PSMA1: variants seen among roughly 807,000 people sequenced by gnomAD.
PSMA1 encodes proteasome subunit alpha type-1.
In PSMA1, 3 loss-of-function variants were observed where a neutral mutation model predicts 38.4. That is an observed-to-expected ratio of 0.08 (90% confidence interval 0.04 to 0.20). PSMA1 has a LOEUF of 0.20. PSMA1 is among the 10% of genes least tolerant of loss of function. PSMA1 has a pLI of 1.00. For synonymous variants in PSMA1, 101 were observed against 107.1 expected (o/e 0.94, Z 0.35); for missense variants, 227 against 325.3 (o/e 0.70, Z 2.32).
chr11:14,605,042 G>T (rs1478960708), intron 2 of PSMA1, among the ~76,000 whole-genome samples: 1 of 152,140 alleles, frequency 6.6e-6, no homozygotes, highest in Non-Finnish European at 1.5e-5. Context: ...TTTGGTAGAA[G>T]AATTTATTTT....
intron 2 of PSMA1, among the ~76,000 whole-genome samples, chr11:14,574,140 T>C (rs1257486005): frequency 6.6e-6 from 1 of 152,034 alleles, no homozygotes; most frequent in African/African-American, 2.4e-5. Flanking sequence ...AGGGAAGGAA[T>C]TAAAGGAGGC....
intron 2 of PSMA1, among the ~76,000 whole-genome samples, chr11:14,543,209 A>C (rs1035766379): frequency 6.6e-6 from 1 of 152,174 alleles, no homozygotes; most frequent in African/African-American, 2.4e-5. Context: ...AAATTAACTC[A>C]AAATGGAGCC....
intron 7 of PSMA1, among the ~76,000 whole-genome samples, chr11:14,511,699 A>G (rs559888019): frequency 6.6e-6 from 1 of 152,356 alleles, no homozygotes; most frequent in Admixed American, 6.5e-5. Flanking sequence ...AGGTAACATC[A>G]ATCTTAGCAG....
chr11:14,606,680 G>T (rs1452344333), intron 2 of PSMA1, among the ~76,000 whole-genome samples: 1 of 152,114 alleles, frequency 6.6e-6, no homozygotes, highest in Non-Finnish European at 1.5e-5. Context: ...AAGCAGAGAG[G>T]CTAAGGACTT....
chr11:14,518,772 T>C (rs1851477600), intron 2 of PSMA1, among the ~76,000 whole-genome samples: 2 of 152,224 alleles, frequency 1.3e-5, no homozygotes, highest in African/African-American at 2.4e-5. Context: ...ATTCCACATA[T>C]AAGTGAGAGC....
chr11:14,517,203 C>T (rs1851445097), intron 4 of PSMA1, among the ~76,000 whole-genome samples: 2 of 152,160 alleles, frequency 1.3e-5, no homozygotes, highest in African/African-American at 4.8e-5. Flanking sequence ...AAGACAAGAT[C>T]CATGTCTGAG....
intron 2 of PSMA1, among the ~76,000 whole-genome samples, chr11:14,553,018 T>C (rs1466203049): frequency 6.6e-6 from 1 of 151,966 alleles, no homozygotes; most frequent in Non-Finnish European, 1.5e-5. Flanking sequence ...AGAGATGAGT[T>C]CTTCCAATGT....
intron 2 of PSMA1, among the ~76,000 whole-genome samples, chr11:14,538,549 TAAG>T (rs1014073450): frequency 2.0e-5 from 3 of 152,258 alleles, no homozygotes; most frequent in Non-Finnish European, 4.4e-5. Context: ...CCAAGATTTT[TAAG>T]AAGAAGTGGG....
chr11:14,559,083 G>A (rs1464780702), intron 2 of PSMA1, among the ~76,000 whole-genome samples: 1 of 152,160 alleles, frequency 6.6e-6, no homozygotes, highest in Non-Finnish European at 1.5e-5. Context: ...ATAAGCATAG[G>A]TATAGCCTAC....
chr11:14,636,629 C>T (rs1474062658), intron 1 of PSMA1, among the ~76,000 whole-genome samples: 1 of 152,196 alleles, frequency 6.6e-6, no homozygotes. Flanking sequence ...ACTCATACAT[C>T]CAATGGCCAA....
chr11:14,535,465 C>T (rs1329530362), intron 2 of PSMA1, among the ~76,000 whole-genome samples: 4 of 138,734 alleles, frequency 2.9e-5, no homozygotes, highest in Non-Finnish European at 4.6e-5. Flanking sequence ...TTTTTTGAGA[C>T]GGAGTTTTGC....
chr11:14,507,548 A>G (rs1225512714), intron 9 of PSMA1, 108 bp downstream of exon 9: 1 of 730,028 alleles, frequency 1.4e-6, no homozygotes, highest in South Asian at 1.6e-5. Flanking sequence ...CATTTGAATT[A>G]TGGGCCCATT....
At chr11:14,505,932 G>A (rs1025940581) in intron 9 of PSMA1, among the ~76,000 whole-genome samples, 1 of 152,168 alleles carries the variant, frequency 6.6e-6, no homozygotes, top group African/African-American at 2.4e-5. Context: ...AATCGCTTGA[G>A]CCCAGGAGTT....
At chr11:14,513,468 T>C (rs904260798) in intron 7 of PSMA1, 102 bp downstream of exon 7, 2 of 1,193,514 alleles carry the variant, frequency 1.7e-6, no homozygotes, top group Non-Finnish European at 2.1e-6. Flanking sequence ...AAATTCTTTC[T>C]ATAAGACTTA....
intron 2 of PSMA1, among the ~76,000 whole-genome samples, chr11:14,543,531 C>CT (rs879892441): frequency 7.6e-4 from 109 of 142,990 alleles, no homozygotes; most frequent in African/African-American, 1.9e-3. Context: ...GATTTGGTTT[C>CT]TTTTTTTTTT....
At chr11:14,562,326 C>G (rs1055645375) in intron 2 of PSMA1, among the ~76,000 whole-genome samples, 1 of 152,122 alleles carries the variant, frequency 6.6e-6, no homozygotes, top group African/African-American at 2.4e-5. Flanking sequence ...CTTTTTTTCC[C>G]CCTTGTACAT....
intron 2 of PSMA1, chr11:14,610,938 T>G: frequency 6.2e-7 from 1 of 1,608,824 alleles, no homozygotes; most frequent in African/African-American, 1.3e-5. Flanking sequence ...GCATTCTGTG[T>G]TTTATCAAAA....
intron 2 of PSMA1, among the ~76,000 whole-genome samples, chr11:14,536,193 T>C (rs1851705319): frequency 6.6e-6 from 1 of 152,170 alleles, no homozygotes; most frequent in African/African-American, 2.4e-5. Flanking sequence ...ATAATAACTG[T>C]TATTACTAAT....
chr11:14,631,537 G>C (rs1238496125), intron 1 of PSMA1, among the ~76,000 whole-genome samples: 2 of 152,114 alleles, frequency 1.3e-5, no homozygotes, highest in Admixed American at 6.6e-5. Flanking sequence ...GAGATAGTTT[G>C]CTATAATTTC....
Sources: gnomAD v4.1 joint callset for allele counts (sites outside exome capture counted in the v4.1 genomes callset) on GRCh38, gnomAD v4.1.1 for gene constraint, MANE v1.5 for transcripts, NCBI Gene and HGNC (gene_info 2026-07-23, HGNC 2026-07-21) for gene names.